PRRG4: variants seen among roughly 807,000 people sequenced by gnomAD.
The protein encoded by PRRG4 is proline rich and Gla domain 4.
Under a neutral mutation model 20.0 loss-of-function variants are expected in PRRG4, and 12 were observed. The ratio of observed to expected loss-of-function variants is 0.60; its 90% CI spans 0.38 to 0.97. PRRG4 has a LOEUF of 0.97. Ranked by LOEUF, PRRG4 falls within the 50% of genes least tolerant of loss-of-function variation. PRRG4 has a pLI of 0.00. For missense variants in PRRG4, 199 were observed against 265.1 expected, an observed-to-expected ratio of 0.75 and a Z score of 1.73; for synonymous variants, 94 against 96.4, an observed-to-expected ratio of 0.98 and a Z score of 0.15.
chr11:32,837,559 T>G (rs1323919467), intron 3 of PRRG4, among the ~76,000 whole-genome samples: 2,312 of 146,706 alleles, frequency 0.016, 29 homozygotes, highest in African/African-American at 0.034. Context: ...TTATTATTAT[T>G]ATTATTATTA....
chr11:32,842,613 G>A (rs964842369), intron 5 of PRRG4, among the ~76,000 whole-genome samples: 2 of 151,784 alleles, frequency 1.3e-5, no homozygotes, highest in African/African-American at 2.4e-5. Flanking sequence ...CCAGCTACTC[G>A]GGAGGCTGAG....
At chr11:32,841,038 G>GT (rs1378145781) in intron 5 of PRRG4, among the ~76,000 whole-genome samples, 1 of 150,900 alleles carries the variant, frequency 6.6e-6, no homozygotes, top group Non-Finnish European at 1.5e-5. Flanking sequence ...TTCCCAGTAA[G>GT]TATGGCTGAG....
In PRRG4 at chr11:32,836,821, G is replaced by A. The variant is rs1851023864; in HGVS notation, c.267G>A (p.Thr89=). Residue 89 remains threonine (T), a splice_region_variant and synonymous_variant, in exon 3 of 6, where the codon ACG becomes ACA. Coordinates refer to ENST00000257836, the MANE Select transcript of PRRG4 (RefSeq NM_024081.6). ...AGATTTTTGTGGATGAAGATAAAAC[G>A]GTAATGTGGTTGATTATGTTAATTG... ...AREIFVDEDK[T]IAFWQEYSAK... 5 of 1,607,212 alleles carry A rather than the reference G, an allele frequency of 3.1e-6. No individual in the cohort carries two copies. The highest frequency in any genetic ancestry group is 1.3e-5 in the African/African-American group (1 of 74,570).
intron 5 of PRRG4, among the ~76,000 whole-genome samples, chr11:32,842,414 A>T (rs947906008): frequency 2.0e-5 from 3 of 152,192 alleles, no homozygotes; most frequent in Non-Finnish European, 2.9e-5. Context: ...TAGAGTTTTT[A>T]AAGTTATTTA....
At chr11:32,849,329 C>T (rs1851160079) in intron 5 of PRRG4, among the ~76,000 whole-genome samples, 1 of 152,062 alleles carries the variant, frequency 6.6e-6, no homozygotes, top group South Asian at 2.1e-4. Context: ...CACCACACTA[C>T]AGCCTGGGTG....
At position 32,840,081 on chromosome 11, in the gene PRRG4, A is replaced by G; in HGVS notation, c.317-26A>G. ...GTGATGCTATATAGTTGTTATATTT[A>G]TGTTATTTTAATGATTTATTTTAAG... On this transcript the variant is annotated intron_variant, in intron 4 of 5. Transcript: ENST00000257836. The surrounding 1 kb of genome is among the most constrained non-coding windows in gnomAD (Gnocchi z 4.1). The G allele has an allele frequency of 6.5e-7, 1 of 1,530,348 alleles. No individual in the cohort carries two copies. The allele number at this position is 1,530,348 out of a possible 1,614,324, so 94.8% of individuals were successfully genotyped here.
intron 3 of PRRG4, among the ~76,000 whole-genome samples, chr11:32,837,541 GATTATTATTATTATT>G (rs35934196): frequency 6.9e-4 from 66 of 95,860 alleles, no homozygotes; most frequent in African/African-American, 2.1e-3. Flanking sequence ...TGATGATGAT[GATTATTATTATTATT>G]ATTATTATTA....
At chr11:32,837,505 T>A (rs1369229015) in intron 3 of PRRG4, among the ~76,000 whole-genome samples, 1 of 140,468 alleles carries the variant, frequency 7.1e-6, no homozygotes, top group African/African-American at 2.7e-5. Context: ...GTTAACTAAC[T>A]GAGATGATGA....
chr11:32,851,651 C>T (rs1203956215), intron 5 of PRRG4, among the ~76,000 whole-genome samples: 2 of 152,142 alleles, frequency 1.3e-5, no homozygotes, highest in Admixed American at 1.3e-4. Flanking sequence ...GACATATTGA[C>T]TGATTTAATT....
chr11:32,845,809 C>G (rs1316161288), intron 5 of PRRG4, among the ~76,000 whole-genome samples: 1 of 151,864 alleles, frequency 6.6e-6, no homozygotes, highest in Non-Finnish European at 1.5e-5. Context: ...TACCAAGGCT[C>G]ATATAGGAGA....
intron 2 of PRRG4, 51 bp downstream of exon 2, chr11:32,830,683 G>T: frequency 1.2e-6 from 2 of 1,610,690 alleles, no homozygotes; most frequent in Middle Eastern, 1.7e-4. Flanking sequence ...ACAGATCTCA[G>T]TGAGAAAGTG....
chr11:32,837,531 TGATGATGATG>T (rs1565113822), intron 3 of PRRG4, among the ~76,000 whole-genome samples: 80 of 109,986 alleles, frequency 7.3e-4, no homozygotes, highest in African/African-American at 2.8e-3. Flanking sequence ...ATGATGATGA[TGATGATGATG>T]ATTATTATTA....
At chr11:32,839,625 TAAC>T (rs1269659244) in intron 4 of PRRG4, among the ~76,000 whole-genome samples, 12 of 147,804 alleles carry the variant, frequency 8.1e-5, no homozygotes, top group South Asian at 2.1e-4. Flanking sequence ...TAAATTTAAA[TAAC>T]AAAATATTTT....
intron 5 of PRRG4, among the ~76,000 whole-genome samples, chr11:32,848,706 T>C (rs1269662818): frequency 6.6e-6 from 1 of 151,966 alleles, no homozygotes; most frequent in East Asian, 1.9e-4. Flanking sequence ...GGGTGGTGGC[T>C]CATGCCTGTA....
intron 5 of PRRG4, among the ~76,000 whole-genome samples, chr11:32,842,067 T>C (rs1278630729): frequency 6.6e-6 from 1 of 152,308 alleles, no homozygotes; most frequent in South Asian, 2.1e-4. Context: ...CTAAATACAA[T>C]ATAAAAATAG....
chr11:32,844,688 A>G lies in PRRG4; in HGVS notation c.449+4449A>G, dbSNP rs570036835. Among the ~76,000 whole-genome samples, 459 of 152,048 alleles carry G rather than the reference A, an allele frequency of 3.0e-3. 2 individuals are homozygous for G. Among genetic ancestry groups the G allele is most frequent in the Middle Eastern group, 0.021 (6 of 292 alleles). On this transcript the variant is annotated intron_variant, in intron 5 of 5. Transcript: ENST00000257836. ...GCTAATTTTTGTATTTTTAGTAGAG[A>G]CGAGGTTTCACCATGTTGGCCAGGC...
At position 32,857,838 on chromosome 11, in the gene PRRG4, G is replaced by C. The variant is rs191765733; in HGVS notation, c.*4311G>C. 24 of 152,248 alleles carry C rather than the reference G, an allele frequency of 1.6e-4. No homozygotes were observed. The highest frequency in any genetic ancestry group is 2.9e-5 in the Non-Finnish European group (2 of 67,986). The allele number at this position is 152,248 out of a possible 1,614,324, so 9.4% of individuals were successfully genotyped here. A position where few individuals can be genotyped will look rare whatever the true frequency, so the allele number is the denominator to read the frequency against. ...TTTGATTCTTTTGTAGATTCTGCCT[G>C]TGTGGTCATTTTAAAACATGTGTGA... On this transcript the variant is annotated 3_prime_UTR_variant, in exon 6 of 6. Coordinates refer to ENST00000257836, the MANE Select transcript of PRRG4 (RefSeq NM_024081.6).
intron 5 of PRRG4, among the ~76,000 whole-genome samples, chr11:32,852,791 T>TA (rs1428500869): frequency 6.7e-6 from 1 of 149,016 alleles, no homozygotes; most frequent in Non-Finnish European, 1.5e-5. Context: ...TTTTTTTTTT[T>TA]AGATGGAGTC....
intron 5 of PRRG4, among the ~76,000 whole-genome samples, chr11:32,846,182 A>G (rs1392151089): frequency 6.6e-6 from 1 of 151,872 alleles, no homozygotes; most frequent in African/African-American, 2.4e-5. Context: ...AATAATAATA[A>G]TAATAATTGT....
Sources: allele counts gnomAD v4.1 joint callset (sites outside exome capture counted in the v4.1 genomes callset), GRCh38; gene constraint gnomAD v4.1.1; non-coding constraint Gnocchi (gnomAD v3.1); transcripts MANE v1.5; gene names NCBI Gene and HGNC (gene_info 2026-07-23, HGNC 2026-07-21).